Variants in C12orf42 observed in about 807,000 individuals in gnomAD.
The protein encoded by C12orf42 is uncharacterized protein C12orf42.
In C12orf42, 25 loss-of-function variants were observed where a neutral mutation model predicts 21.6. The observed-to-expected ratio is 1.16, with a 90% CI of 0.84 to 1.62. The LOEUF is 1.62. Among genes scored for constraint, C12orf42 ranks in the 40% most tolerant of loss-of-function variants. The probability of loss-of-function intolerance (pLI) is 0.00; values close to 1 mark genes in which losing one functional copy is unlikely to be tolerated. For synonymous variants in C12orf42, 174 were observed against 175.0 expected (o/e 0.99, Z 0.05); for missense variants, 483 against 459.3 (o/e 1.05, Z -0.47).
At chr12:103,236,248 T>G (rs985551641), downstream of C12orf42, among the ~76,000 whole-genome samples, 1 of 152,188 alleles carries the variant, frequency 6.6e-6, no homozygotes, top group Non-Finnish European at 1.5e-5. Flanking sequence ...AACACTGAGA[T>G]GCTTAAGCGT....
At chr12:103,370,572 T>G (rs1168561131) in intron 3 of C12orf42, among the ~76,000 whole-genome samples, 2 of 152,070 alleles carry the variant, frequency 1.3e-5, no homozygotes, top group Admixed American at 6.6e-5. Context: ...AGATCATGTT[T>G]TTTGCACCAA....
intron 2 of C12orf42, among the ~76,000 whole-genome samples, chr12:103,440,206 A>G (rs957860613): frequency 5.3e-4 from 76 of 143,804 alleles, no homozygotes; most frequent in Non-Finnish European, 1.8e-4. Context: ...GGAACTGAAC[A>G]ATGAGATCAC....
the C12orf42 span, among the ~76,000 whole-genome samples, chr12:103,118,489 A>G: frequency 6.6e-6 from 1 of 152,122 alleles, no homozygotes; most frequent in Non-Finnish European, 1.5e-5. Flanking sequence ...CTCTTTAAGC[A>G]CCTGAAACTA....
the C12orf42 span, among the ~76,000 whole-genome samples, chr12:103,516,135 A>G: frequency 6.6e-6 from 1 of 152,232 alleles, no homozygotes; most frequent in Admixed American, 6.5e-5. Flanking sequence ...TTGATGTGCC[A>G]TTTAATATTT....
the C12orf42 span, among the ~76,000 whole-genome samples, chr12:103,124,155 C>CTT: frequency 4.7e-3 from 359 of 75,944 alleles, 44 homozygotes; most frequent in East Asian, 0.049. Context: ...CAAACATAAG[C>CTT]TTTTTTTTTT....
At chr12:103,387,024 G>A (rs2046667579) in intron 3 of C12orf42, among the ~76,000 whole-genome samples, 1 of 152,216 alleles carries the variant, frequency 6.6e-6, no homozygotes, top group Admixed American at 6.5e-5. Context: ...AGGCTGAACA[G>A]GATCTGGAAC....
At chr12:103,365,137 T>C (rs1281945931) in intron 4 of C12orf42, among the ~76,000 whole-genome samples, 1 of 151,968 alleles carries the variant, frequency 6.6e-6, no homozygotes, top group East Asian at 1.9e-4. Flanking sequence ...TGATCAAATG[T>C]GTTTCATACC....
At chr12:103,234,752 C>T (rs146086355), downstream of C12orf42, among the ~76,000 whole-genome samples, 2 of 152,220 alleles carry the variant, frequency 1.3e-5, no homozygotes, top group East Asian at 3.9e-4. Flanking sequence ...TATTAAAACC[C>T]ACCAGGTCCT....
intron 2 of C12orf42, among the ~76,000 whole-genome samples, chr12:103,405,609 A>G (rs1297667275): frequency 6.6e-6 from 1 of 152,156 alleles, no homozygotes; most frequent in East Asian, 1.9e-4. Context: ...TAGTAACCAA[A>G]AGAAAAGTTC....
chr12:103,335,594 G>C (rs998725940), intron 4 of C12orf42, among the ~76,000 whole-genome samples: 6 of 152,110 alleles, frequency 3.9e-5, no homozygotes, highest in African/African-American at 1.4e-4. Context: ...TTTTGACCTT[G>C]GCCTTCACAT....
intron 2 of C12orf42, among the ~76,000 whole-genome samples, chr12:103,447,452 C>T (rs1163746965): frequency 2.6e-5 from 4 of 151,660 alleles, no homozygotes; most frequent in East Asian, 1.9e-4. Context: ...AGAAATCAGA[C>T]AACAAAAAGA....
chr12:103,204,141 T>C, the C12orf42 span, among the ~76,000 whole-genome samples: 3 of 152,138 alleles, frequency 2.0e-5, no homozygotes, highest in Non-Finnish European at 4.4e-5. Flanking sequence ...AAAAGGAAAT[T>C]CACAGTTTGA....
chr12:103,479,823 G>C (rs1251216627), intron 1 of C12orf42, among the ~76,000 whole-genome samples: 2 of 151,966 alleles, frequency 1.3e-5, no homozygotes, highest in African/African-American at 4.8e-5. Flanking sequence ...TTTTAGTACA[G>C]TGCTGGATGG....
the C12orf42 span, among the ~76,000 whole-genome samples, chr12:103,201,250 G>A: frequency 3.3e-5 from 5 of 152,066 alleles, no homozygotes; most frequent in Admixed American, 1.3e-4. Flanking sequence ...CAGATGTAAC[G>A]GTTTTGCTGG....
chr12:103,247,899 C>A (rs2034090688), intron 10 of C12orf42, among the ~76,000 whole-genome samples: 1 of 152,052 alleles, frequency 6.6e-6, no homozygotes, highest in Non-Finnish European at 1.5e-5. Context: ...ATGCTCAACC[C>A]TTTTACATGG....
chr12:103,172,707 A>G, the C12orf42 span, among the ~76,000 whole-genome samples: 1 of 152,128 alleles, frequency 6.6e-6, no homozygotes, highest in African/African-American at 2.4e-5. Flanking sequence ...TTATTGGCCT[A>G]TTTCAAGGAT....
chr12:103,172,598 C>T, the C12orf42 span, among the ~76,000 whole-genome samples: 2 of 152,044 alleles, frequency 1.3e-5, no homozygotes, highest in Admixed American at 6.6e-5. Context: ...TAGACAAACT[C>T]TAAGTTGGAG....
At chr12:103,102,159 C>T in the C12orf42 span, among the ~76,000 whole-genome samples, 1 of 152,160 alleles carries the variant, frequency 6.6e-6, no homozygotes, top group Non-Finnish European at 1.5e-5. Context: ...GAAGCATGTT[C>T]ACATGGAGAG....
the C12orf42 span, among the ~76,000 whole-genome samples, chr12:103,149,251 G>A: frequency 6.6e-6 from 1 of 152,086 alleles, no homozygotes; most frequent in Non-Finnish European, 1.5e-5. Flanking sequence ...CTAAATTTGG[G>A]ACCATAAAAT....
Sources: allele counts gnomAD v4.1 joint callset (sites outside exome capture counted in the v4.1 genomes callset), GRCh38; gene constraint gnomAD v4.1.1; transcripts MANE v1.5; gene names NCBI Gene and HGNC (gene_info 2026-07-23, HGNC 2026-07-21).